The following PPP1R12B variants were observed in gnomAD, a reference collection of about 807,000 sequenced individuals.
The protein encoded by PPP1R12B is protein phosphatase 1 regulatory subunit 12B.
Under a neutral mutation model 126.1 loss-of-function variants are expected in PPP1R12B, and 76 were observed. The ratio of observed to expected loss-of-function variants is 0.60; its 90% confidence interval spans 0.50 to 0.73. PPP1R12B has a LOEUF of 0.73. PPP1R12B is among the 30% of genes least tolerant of loss of function. The pLI is 0.00. For synonymous variants in PPP1R12B, 356 were observed against 434.7 expected (o/e 0.82, Z 2.25); for missense variants, 1,052 against 1,205.1 (o/e 0.87, Z 1.88).
intron 5 of PPP1R12B, among the ~76,000 whole-genome samples, chr1:202,428,303 T>G (rs975581016): frequency 3.3e-5 from 5 of 152,216 alleles, no homozygotes; most frequent in Non-Finnish European, 5.9e-5. Flanking sequence ...TGCAGAGATA[T>G]GGCCTTTTAA....
chr1:202,438,271 C>T lies in PPP1R12B; in HGVS notation c.1458+247C>T, dbSNP rs372489888. 1,085 of 1,575,504 alleles carry T rather than the reference C, an allele frequency of 6.9e-4. 13 individuals are homozygous for T. In the South Asian group the frequency reaches 8.6e-3, roughly 12 times the overall value. The stretch of plus-strand genomic sequence containing the variant: ...TTTCCTTTTGGTTTGTTCAATCTTC[C>T]TTGCCCCCTTACCTAAAGCAAAAAA... On this transcript the variant is annotated intron_variant, in intron 10 of 23. Transcript: ENST00000608999.
intron 1 of PPP1R12B, among the ~76,000 whole-genome samples, chr1:202,374,650 C>T (rs1391072289): frequency 5.9e-5 from 9 of 151,714 alleles, no homozygotes; most frequent in Non-Finnish European, 1.2e-4. Context: ...AGGTGCATGC[C>T]GCCACGCCCA....
intron 1 of PPP1R12B, among the ~76,000 whole-genome samples, chr1:202,371,111 G>A (rs538470531): frequency 2.0e-5 from 3 of 150,126 alleles, no homozygotes; most frequent in Admixed American, 2.0e-4. Context: ...AATCTTCCAG[G>A]CTCATGCCTT....
At chr1:202,407,723 C>G (rs757784482) in intron 1 of PPP1R12B, among the ~76,000 whole-genome samples, 1 of 152,118 alleles carries the variant, frequency 6.6e-6, no homozygotes, top group African/African-American at 2.4e-5. Context: ...ATCAGTCAAT[C>G]TTAACTACTG....
At chr1:202,578,210 A>G (rs562281998) in intron 23 of PPP1R12B, among the ~76,000 whole-genome samples, 193 of 152,302 alleles carry the variant, frequency 1.3e-3, no homozygotes, top group African/African-American at 4.5e-3. Flanking sequence ...GAAATAAATC[A>G]CTAAAACTCT....
intron 18 of PPP1R12B, among the ~76,000 whole-genome samples, chr1:202,557,088 A>G (rs529272713): frequency 2.6e-5 from 4 of 152,320 alleles, no homozygotes; most frequent in African/African-American, 9.6e-5. Context: ...CTTGTGCTCA[A>G]GTGATCCTCC....
At position 202,446,484 on chromosome 1, in the gene PPP1R12B, C is replaced by G. The variant is rs371042517; in HGVS notation, c.1668-2505C>G. ...TATCCAGGATGAGGATGATCTCTAT[C>G]TCCTGACCTCATGATCCGCCCACTT... On this transcript the variant is annotated intron_variant, in intron 12 of 23. Transcript: ENST00000608999. Among the ~76,000 whole-genome samples the G allele has an allele frequency of 2.3e-4, 34 of 148,688 alleles. No homozygotes were observed. In the East Asian group the frequency reaches 5.5e-3, roughly 24 times the overall value.
chr1:202,472,290 A>G lies in PPP1R12B; in HGVS notation c.1851-16243A>G, dbSNP rs542200433. 1.6e-3 allele frequency among the ~76,000 whole-genome samples: 248 copies of G among 152,284 alleles called. 3 individuals carry two copies. Among genetic ancestry groups the G allele is most frequent in the Non-Finnish European group, 2.9e-3 (198 of 68,022 alleles). ...CCATTCCCCTTATTGTTTGATATAT[A>G]GGTTATTTCCATATACATTTTGTGT... On this transcript the variant is annotated intron_variant, in intron 13 of 23. Transcript: ENST00000608999.
chr1:202,372,695 C>T (rs1660494728), intron 1 of PPP1R12B, among the ~76,000 whole-genome samples: 1 of 151,200 alleles, frequency 6.6e-6, no homozygotes, highest in South Asian at 2.1e-4. Flanking sequence ...ACCACTTGGG[C>T]CTGGGAATTC....
intron 18 of PPP1R12B, among the ~76,000 whole-genome samples, chr1:202,547,259 G>C (rs887163683): frequency 1.3e-5 from 2 of 152,104 alleles, no homozygotes; most frequent in Non-Finnish European, 2.9e-5. Context: ...ATTTATTACT[G>C]TAAGAAGACC....
intron 1 of PPP1R12B, among the ~76,000 whole-genome samples, chr1:202,373,635 A>G (rs191181574): frequency 1.6e-4 from 24 of 150,550 alleles, no homozygotes; most frequent in African/African-American, 5.6e-4. Flanking sequence ...TTAGAACACT[A>G]TTAATAATTG....
At chr1:202,446,220 CT>C (rs1672229488) in intron 12 of PPP1R12B, among the ~76,000 whole-genome samples, 1 of 46,632 alleles carries the variant, frequency 2.1e-5, no homozygotes, top group African/African-American at 1.2e-4. Context: ...ATTACTCTCT[CT>C]CTCTCTCTCT....
At chr1:202,459,984 G>A (rs1346339495) in intron 13 of PPP1R12B, among the ~76,000 whole-genome samples, 2 of 152,164 alleles carry the variant, frequency 1.3e-5, no homozygotes, top group African/African-American at 4.8e-5. Context: ...AAATACCAGG[G>A]CCAGGCAGCA....
chr1:202,522,645 G>A (rs1048936162), intron 18 of PPP1R12B, among the ~76,000 whole-genome samples: 1 of 152,090 alleles, frequency 6.6e-6, no homozygotes, highest in African/African-American at 2.4e-5. Context: ...AAGCCAGAGA[G>A]ATAGTCAGAT....
intron 1 of PPP1R12B, among the ~76,000 whole-genome samples, chr1:202,397,063 T>G (rs1665096013): frequency 2.0e-5 from 3 of 152,240 alleles, no homozygotes; most frequent in Non-Finnish European, 4.4e-5. Flanking sequence ...CAACATTTTA[T>G]GGCCCCTTCC....
chr1:202,441,298 C>T (rs1393968685), intron 11 of PPP1R12B, among the ~76,000 whole-genome samples: 1 of 152,176 alleles, frequency 6.6e-6, no homozygotes, highest in African/African-American at 2.4e-5. Context: ...GCGGTATTGG[C>T]ATCACCCGGG....
At chr1:202,350,723 C>T (rs953419454) in intron 1 of PPP1R12B, among the ~76,000 whole-genome samples, 1 of 151,612 alleles carries the variant, frequency 6.6e-6, no homozygotes, top group East Asian at 1.9e-4. Flanking sequence ...TGGTTTCAAG[C>T]GATTCTCCTG....
At chr1:202,434,004 C>T (rs187764924) in intron 8 of PPP1R12B, among the ~76,000 whole-genome samples, 1 of 152,312 alleles carries the variant, frequency 6.6e-6, no homozygotes, top group East Asian at 1.9e-4. Flanking sequence ...GAATAAACTA[C>T]ATGTCACATG....
In PPP1R12B at chr1:202,532,141, C is replaced by T. The variant is rs548089891; in HGVS notation, c.2491-26736C>T. ...CCCCATTTTAGACCATATAGGGCAA[C>T]TTCCTGATGTTGCCATGACATTTGT... On this transcript the variant is annotated intron_variant, in intron 18 of 23. Coordinates refer to ENST00000608999, the MANE Select transcript of PPP1R12B (RefSeq NM_002481.4). Among the ~76,000 whole-genome samples the T allele has an allele frequency of 1.2e-4, 19 of 152,294 alleles. No individual in the cohort carries two copies. In the South Asian group the frequency reaches 3.7e-3, roughly 30 times the overall value.
Sources: gnomAD v4.1 joint callset for allele counts (sites outside exome capture counted in the v4.1 genomes callset) on GRCh38, gnomAD v4.1.1 for gene constraint, MANE v1.5 for transcripts, NCBI Gene and HGNC (gene_info 2026-07-23, HGNC 2026-07-21) for gene names.